Variants in SPATA18 observed in about 807,000 individuals in gnomAD.
The protein encoded by SPATA18 is mitochondria-eating protein.
Under a neutral mutation model 68.1 loss-of-function variants are expected in SPATA18, and 54 were observed. That is an observed-to-expected ratio of 0.79 (90% CI 0.64 to 0.99). SPATA18 has a LOEUF of 0.99. Among genes scored for constraint, SPATA18 ranks in the 50% least tolerant of loss-of-function variants. The pLI, the probability that SPATA18 is intolerant of heterozygous loss-of-function variation, is 0.00. For missense variants in SPATA18, 724 were observed against 681.1 expected (o/e 1.06, Z -0.70); for synonymous variants, 242 against 244.8 (o/e 0.99, Z 0.11).
rs764434785 is a variant in SPATA18 at position 52,076,961 on chromosome 4, G to A, written c.941G>A (p.Arg314His). The A allele has an allele frequency of 1.9e-6, 3 of 1,614,048 alleles. No homozygotes were observed. The highest frequency in any genetic ancestry group is 2.5e-6 in the Non-Finnish European group (3 of 1,179,990). ...SRFSDSYSQA[R>H]LDAQCLLRRC... ...TTCAGCGATTCCTATTCCCAGGCCC[G>A]CCTGGACGCGCAGTGCCTGCTGCGG... is the stretch of plus-strand genomic sequence containing the variant. Residue 314 changes from arginine to histidine, a missense_variant, in exon 7 of 13, where the codon CGC becomes CAC. Arg to His is a conservative substitution (Grantham distance 29). Transcript: ENST00000295213.
At position 52,077,049 on chromosome 4, in the gene SPATA18, C is replaced by T. The variant is rs767362695; in HGVS notation, c.1020+9C>T. 12 of 1,587,698 alleles carry T rather than the reference C, an allele frequency of 7.6e-6. No individual in the cohort carries two copies. In the African/African-American group the frequency reaches 1.3e-4, roughly 18 times the overall value. ...TCTACATCGCCACAGTGGTATGTGA[C>T]GCCTGCGGGACTCCCGGCTCCTTAG... On this transcript the variant is annotated intron_variant, in intron 7 of 12. Coordinates refer to ENST00000295213, the MANE Select transcript of SPATA18 (RefSeq NM_145263.4).
chr4:52,079,351 T>C (rs1740706360), intron 8 of SPATA18, among the ~76,000 whole-genome samples: 1 of 152,190 alleles, frequency 6.6e-6, no homozygotes, highest in Non-Finnish European at 1.5e-5. Context: ...GCACAAGACA[T>C]GGCACATAGT....
intron 7 of SPATA18, among the ~76,000 whole-genome samples, chr4:52,077,662 A>G (rs1361928833): frequency 6.6e-6 from 1 of 152,152 alleles, no homozygotes; most frequent in Admixed American, 6.5e-5. Flanking sequence ...CACAGTGGAT[A>G]TATTATTGCT....
At chr4:52,085,102 G>A (rs1741307993) in intron 11 of SPATA18, 103 bp downstream of exon 11, 1 of 825,482 alleles carries the variant, frequency 1.2e-6, no homozygotes, top group Non-Finnish European at 1.9e-6. Context: ...GTCTACAGGT[G>A]GAAAGAGAAC....
chr4:52,083,378 A>G, intron 10 of SPATA18: 1 of 985,410 alleles, frequency 1.0e-6, no homozygotes, highest in Non-Finnish European at 1.2e-6. Flanking sequence ...TTATTTTAAA[A>G]GAACTGAAGA....
At chr4:52,085,049 T>C (rs1291749384) in intron 11 of SPATA18, 50 bp downstream of exon 11, 1 of 56,294 alleles carries the variant, frequency 1.8e-5, no homozygotes, top group Admixed American at 1.8e-3. Context: ...ATGGTTGGCT[T>C]TTTTTTTTTT....
intron 7 of SPATA18, 60 bp from the exon 8 acceptor site, chr4:52,078,675 T>C (rs1013732473): frequency 2.3e-5 from 33 of 1,423,708 alleles, no homozygotes; most frequent in Non-Finnish European, 3.0e-5. Flanking sequence ...TAATTCCTTG[T>C]TTTGGATCTC....
chr4:52,076,856 C>T lies in SPATA18; in HGVS notation c.836C>T (p.Thr279Ile), dbSNP rs776118554. ...CGCAGCAGATCTGCCAGCCCCTCCA[C>T]CGCTGTCAAGGTCAGGAGACCGTCC... Reference protein sequence around the residue: ...CSRSRSASPSTAVKVRRPSPN... With the variant: ...CSRSRSASPSIAVKVRRPSPN... The change falls in exon 7 of 13, where the codon ACC (threonine) becomes ATC (isoleucine). Residue 279 changes from threonine (T) to isoleucine (I), a missense_variant. Physicochemically the swap from Thr to Ile is moderately conservative, Grantham distance 89. Transcript: ENST00000295213. The T allele has an allele frequency of 8.7e-6, 14 of 1,614,242 alleles. No homozygotes were observed. The highest frequency in any genetic ancestry group is 1.2e-5 in the Non-Finnish European group (14 of 1,180,042).
rs1283128308 is a variant in SPATA18, at chr4:52,076,913, G to T, written c.893G>T (p.Arg298Leu). 4 of 1,614,186 alleles carry T rather than the reference G, an allele frequency of 2.5e-6. No individual in the cohort carries two copies. The highest frequency in any genetic ancestry group is 2.2e-5 in the East Asian group (1 of 44,866). ...CGCTCCAAGCTGTCCAATGTGGCGCGCAAGGCTGCCCTCTTGTCCCGGTTC... is the reference window on the plus strand; with the variant it reads ...CGCTCCAAGCTGTCCAATGTGGCGCTCAAGGCTGCCCTCTTGTCCCGGTTC... ...PNRSKLSNVA[R>L]KAALLSRFSD... The change falls in exon 7 of 13, where the codon CGC becomes CTC. Residue 298 changes from arginine (R) to leucine (L), a missense_variant. Transcript: ENST00000295213.
In SPATA18 at chr4:52,094,509, T is replaced by G; in HGVS notation, c.1564-18T>G. 1 of 1,610,732 alleles carries G rather than the reference T, an allele frequency of 6.2e-7. No individual in the cohort carries two copies. The highest frequency in any genetic ancestry group is 8.5e-7 in the Non-Finnish European group (1 of 1,177,600). The stretch of plus-strand genomic sequence containing the variant: ...TCCGTCTACTATGTAATTCACATTA[T>G]TCTTTTATATTTTCCAGATGTCTCG... On this transcript the variant is annotated intron_variant, in intron 11 of 12. Transcript: ENST00000295213.
chr4:52,072,209 G>A (rs1479189822), intron 6 of SPATA18, 53 bp downstream of exon 6: 8 of 1,586,498 alleles, frequency 5.0e-6, no homozygotes, highest in Non-Finnish European at 1.7e-6. Flanking sequence ...GCTGAGTTAA[G>A]GGATCGGGGA....
rs1737845367 is a variant in SPATA18 at position 52,051,327 on chromosome 4, T to G, written c.-378T>G. The G allele has an allele frequency of 5.1e-6, 1 of 194,274 alleles. No homozygotes were observed. The highest frequency in any genetic ancestry group is 2.4e-5 in the African/African-American group (1 of 42,464). 12.0% of individuals were successfully genotyped at this position (194,274 alleles called of 1,614,324 possible). ...TCAGTCCACCCCTGGGGCGCGCGGC[T>G]GTCACCCAGGGCGGGGCGGCGCGGG... On this transcript the variant is annotated 5_prime_UTR_variant, in exon 1 of 13. Coordinates refer to ENST00000295213, the MANE Select transcript of SPATA18 (RefSeq NM_145263.4).
intron 4 of SPATA18, 23 bp from the exon 5 acceptor site, chr4:52,069,792 CTATCTT>C: frequency 6.7e-7 from 1 of 1,494,832 alleles, no homozygotes; most frequent in African/African-American, 1.4e-5. Context: ...TTTGAAAAAT[CTATCTT>C]TAGTTACTGA....
Position 52,076,939 on chromosome 4 carries a change from A to G in SPATA18, c.919A>G (p.Ser307Gly), listed in dbSNP as rs1740414767. 1 of 1,614,200 alleles carries G rather than the reference A, an allele frequency of 6.2e-7. No individual in the cohort carries two copies. Among genetic ancestry groups the G allele is most frequent in the Non-Finnish European group, 8.5e-7 (1 of 1,180,040 alleles). The change falls in exon 7 of 13, where the codon AGC becomes GGC. Residue 307 changes from serine (S) to glycine (G), a missense_variant. Ser to Gly is a moderately conservative substitution (Grantham distance 56, BLOSUM62 0). Coordinates refer to ENST00000295213, the MANE Select transcript of SPATA18 (RefSeq NM_145263.4). ...CAAGGCTGCCCTCTTGTCCCGGTTC[A>G]GCGATTCCTATTCCCAGGCCCGCCT... is the stretch of plus-strand genomic sequence containing the variant. ...ARKAALLSRF[S>G]DSYSQARLDA...
intron 10 of SPATA18, among the ~76,000 whole-genome samples, chr4:52,083,741 CTTTTT>C (rs530695076): frequency 8.2e-6 from 1 of 121,606 alleles, no homozygotes. Context: ...AAGATCCTGT[CTTTTT>C]TTTTTTTTTT....
At chr4:52,071,679 G>A (rs192064001) in intron 5 of SPATA18, among the ~76,000 whole-genome samples, 2 of 152,160 alleles carry the variant, frequency 1.3e-5, no homozygotes, top group Admixed American at 1.3e-4. Context: ...CCTTTCTTTA[G>A]GAACTTTTCC....
chr4:52,056,343 T>C (rs1738340867), intron 1 of SPATA18, among the ~76,000 whole-genome samples: 1 of 152,168 alleles, frequency 6.6e-6, no homozygotes, highest in Admixed American at 6.5e-5. Flanking sequence ...CAGGAATGGG[T>C]CTCCACCATT....
intron 10 of SPATA18, 159 bp downstream of exon 10, chr4:52,082,669 T>G (rs1215302233): frequency 6.7e-7 from 1 of 1,494,330 alleles, no homozygotes; most frequent in African/African-American, 1.4e-5. Context: ...GAACTGATTC[T>G]TTTCTTTGAT....
intron 11 of SPATA18, among the ~76,000 whole-genome samples, chr4:52,088,071 T>C (rs1457428100): frequency 1.3e-5 from 2 of 152,186 alleles, no homozygotes; most frequent in Non-Finnish European, 2.9e-5. Flanking sequence ...GGCTCTCTGT[T>C]TGTCTGTTAT....
Sources: gnomAD v4.1 joint callset for allele counts (sites outside exome capture counted in the v4.1 genomes callset) on GRCh38, gnomAD v4.1.1 for gene constraint, MANE v1.5 for transcripts, NCBI Gene and HGNC (gene_info 2026-07-23, HGNC 2026-07-21) for gene names.